The following DLC1 variants were observed in gnomAD, a reference collection of about 807,000 sequenced individuals.
The protein encoded by DLC1 is rho GTPase-activating protein 7.
DLC1 carries 54 observed loss-of-function variants against 140.3 expected under a neutral mutation model. The observed-to-expected ratio is 0.38, with a 90% CI of 0.31 to 0.48. The LOEUF (loss-of-function observed/expected upper bound fraction) is 0.48. Ranked by LOEUF, DLC1 falls within the 20% of genes least tolerant of loss-of-function variation. The probability of loss-of-function intolerance (pLI) is 0.96; values close to 1 mark genes in which losing one functional copy is unlikely to be tolerated. For missense variants in DLC1, 2,536 were observed against 1,907.0 expected, an observed-to-expected ratio of 1.33 and a Z score of -6.14; for synonymous variants, 986 against 728.1, an observed-to-expected ratio of 1.35 and a Z score of -5.70.
chr8:13,553,419 C>T (rs1803933463), intron 1 of DLC1, among the ~76,000 whole-genome samples: 1 of 151,088 alleles, frequency 6.6e-6, no homozygotes, highest in South Asian at 2.1e-4. Flanking sequence ...CATCAGCATA[C>T]CAGCATAATG....
intron 6 of DLC1, 128 bp downstream of exon 6, chr8:13,115,458 A>T: frequency 1.1e-6 from 1 of 921,150 alleles, no homozygotes; most frequent in Non-Finnish European, 1.6e-6. Flanking sequence ...TTGCATGCTT[A>T]CAACATTTTT....
At chr8:13,405,766 T>G (rs1324343610) in intron 2 of DLC1, among the ~76,000 whole-genome samples, 1 of 152,104 alleles carries the variant, frequency 6.6e-6, no homozygotes, top group Non-Finnish European at 1.5e-5. Flanking sequence ...GCAAGAAACC[T>G]GTGAAGTCGT....
chr8:13,419,383 C>T lies in DLC1; in HGVS notation c.1024-17764G>A, dbSNP rs561753660. ...AGATAGCTCTTATTATTTTGAGATA[C>T]GTCCCATCAGTACCTAATTTATTGA... On this transcript the variant is annotated intron_variant, in intron 2 of 17. Transcript: ENST00000276297. Among the ~76,000 whole-genome samples the T allele has an allele frequency of 2.5e-3, 377 of 152,124 alleles. 1 individual carries two copies. Among genetic ancestry groups the T allele is most frequent in the Middle Eastern group, 6.8e-3 (2 of 292 alleles).
chr8:13,257,689 T>A (rs1830296840), intron 5 of DLC1, among the ~76,000 whole-genome samples: 1 of 150,614 alleles, frequency 6.6e-6, no homozygotes, highest in Non-Finnish European at 1.5e-5. Flanking sequence ...GAATATGATG[T>A]TGACTTTGTT....
chr8:13,499,301 G>C lies in DLC1; in HGVS notation c.771C>G (p.Phe257Leu), dbSNP rs146364788. The C allele has an allele frequency of 6.2e-7, 1 of 1,614,082 alleles. No individual in the cohort carries two copies. The highest frequency in any genetic ancestry group is 1.1e-5 in the South Asian group (1 of 91,084). ...CTCTGTTTGTGCAAGGAGTATCCAA[G>C]AACTCATTTTGTACTACATTGCAGG... ...RSTCNVVQNE[F>L]LDTPCTNRGL... Residue 257 changes from phenylalanine to leucine, a missense_variant, in exon 2 of 18, where the codon TTC (phenylalanine) becomes TTG (leucine). Physicochemically the swap from Phe to Leu is conservative, Grantham distance 22. Transcript: ENST00000276297.
At chr8:13,574,445 C>T (rs1188130235) in intron 1 of DLC1, among the ~76,000 whole-genome samples, 1 of 151,946 alleles carries the variant, frequency 6.6e-6, no homozygotes, top group East Asian at 1.9e-4. Flanking sequence ...TATCTTTTCT[C>T]CAAATACTCT....
chr8:13,211,327 T>C (rs1827931147), intron 5 of DLC1, among the ~76,000 whole-genome samples: 1 of 152,258 alleles, frequency 6.6e-6, no homozygotes, highest in South Asian at 2.1e-4. Flanking sequence ...AGCCCTGCTC[T>C]GTCTATGGAG....
At chr8:13,514,938 G>A (rs1802535231), upstream of DLC1, 1 of 291,308 alleles carries the variant, frequency 3.4e-6, no homozygotes, top group African/African-American at 2.2e-5. Flanking sequence ...TGCTAGAAAG[G>A]CTGTACGAAG....
chr8:13,163,170 A>G (rs964770576), intron 5 of DLC1, among the ~76,000 whole-genome samples: 3 of 152,176 alleles, frequency 2.0e-5, no homozygotes, highest in African/African-American at 7.2e-5. Flanking sequence ...ATAGTCAGCA[A>G]GAGTCCATTG....
At chr8:13,268,748 T>C (rs1303400418) in intron 5 of DLC1, among the ~76,000 whole-genome samples, 1 of 152,150 alleles carries the variant, frequency 6.6e-6, no homozygotes, top group Middle Eastern at 3.4e-3. Flanking sequence ...TCTTTTTGTG[T>C]GTTTATAGGA....
chr8:13,109,308 A>G (rs1417359518), intron 7 of DLC1, among the ~76,000 whole-genome samples: 2 of 151,906 alleles, frequency 1.3e-5, no homozygotes, highest in Admixed American at 6.5e-5. Flanking sequence ...CTGTAATCCC[A>G]GCACTTTGGG....
chr8:13,161,328 G>T (rs895739029), intron 5 of DLC1, among the ~76,000 whole-genome samples: 5 of 151,714 alleles, frequency 3.3e-5, no homozygotes, highest in East Asian at 2.0e-4. Context: ...TCATTTGTGG[G>T]TTTTTTTTGT....
At chr8:13,533,339 A>T (rs999345073) in intron 1 of DLC1, among the ~76,000 whole-genome samples, 1 of 152,200 alleles carries the variant, frequency 6.6e-6, no homozygotes, top group Non-Finnish European at 1.5e-5. Context: ...TATATTTGAC[A>T]TGTAGTATAT....
intron 1 of DLC1, among the ~76,000 whole-genome samples, chr8:13,544,705 G>C (rs1225757197): frequency 6.6e-6 from 1 of 152,010 alleles, no homozygotes; most frequent in Admixed American, 6.6e-5. Flanking sequence ...AAGTCCGATC[G>C]GTATATTCTG....
chr8:13,280,749 G>A (rs1030355231), intron 5 of DLC1, among the ~76,000 whole-genome samples: 6 of 152,178 alleles, frequency 3.9e-5, no homozygotes, highest in Non-Finnish European at 8.8e-5. Flanking sequence ...GGACCAATGA[G>A]AACATTTAGG....
intron 4 of DLC1, among the ~76,000 whole-genome samples, chr8:13,390,603 T>C (rs1836711393): frequency 6.6e-6 from 1 of 152,202 alleles, no homozygotes; most frequent in African/African-American, 2.4e-5. Context: ...TAAACCTAGA[T>C]GGCAGGTAGA....
intron 5 of DLC1, among the ~76,000 whole-genome samples, chr8:13,156,619 G>C (rs1308285790): frequency 2.0e-5 from 3 of 152,168 alleles, no homozygotes; most frequent in Admixed American, 6.5e-5. Context: ...TACTGGTTAG[G>C]GGGAGGAAAG....
At chr8:13,216,590 C>T (rs746848192) in intron 5 of DLC1, among the ~76,000 whole-genome samples, 7 of 152,140 alleles carry the variant, frequency 4.6e-5, no homozygotes, top group East Asian at 1.9e-4. Flanking sequence ...TCCTTTCCTT[C>T]GTGTCATTTC....
intron 1 of DLC1, among the ~76,000 whole-genome samples, chr8:13,556,307 C>G (rs955843238): frequency 1.3e-5 from 2 of 152,176 alleles, no homozygotes; most frequent in Non-Finnish European, 2.9e-5. Flanking sequence ...GTCACAAAAT[C>G]CTAGAGTGTG....
Sources: allele counts gnomAD v4.1 joint callset (sites outside exome capture counted in the v4.1 genomes callset), GRCh38; gene constraint gnomAD v4.1.1; transcripts MANE v1.5; gene names NCBI Gene and HGNC (gene_info 2026-07-23, HGNC 2026-07-21).